LRRFIP1: variants seen among roughly 807,000 people sequenced by gnomAD.
The protein encoded by LRRFIP1 is LRR binding FLII interacting protein 1.
A neutral mutation model predicts 104.4 loss-of-function variants in LRRFIP1; 62 were observed. The observed-to-expected ratio is 0.59, with a 90% confidence interval of 0.48 to 0.73. LRRFIP1 has a LOEUF of 0.73. Among genes scored for constraint, LRRFIP1 ranks in the 30% least tolerant of loss-of-function variants. The probability of loss-of-function intolerance (pLI) is 0.00; values close to 1 mark genes in which losing one functional copy is unlikely to be tolerated. For missense variants in LRRFIP1, 796 were observed against 824.5 expected (o/e 0.97, Z 0.42); for synonymous variants, 300 against 299.0 (o/e 1.00, Z -0.03).
chr2:237,644,839 G>A (rs2149344984), intron 1 of LRRFIP1, among the ~76,000 whole-genome samples: 1 of 152,350 alleles, frequency 6.6e-6, no homozygotes, highest in Non-Finnish European at 1.5e-5. Context: ...TAGGTATCTT[G>A]TAGAATTTGG....
At chr2:237,731,347 C>T in intron 8 of LRRFIP1, among the ~76,000 whole-genome samples, 1 of 152,100 alleles carries the variant, frequency 6.6e-6, no homozygotes, top group East Asian at 1.9e-4. Flanking sequence ...CTCACCTCTT[C>T]ACCCCTTGTC....
intron 1 of LRRFIP1, among the ~76,000 whole-genome samples, chr2:237,646,430 C>G (rs968435070): frequency 2.6e-5 from 4 of 151,880 alleles, no homozygotes; most frequent in African/African-American, 9.6e-5. Context: ...CTCCGACAAG[C>G]CCCACTGTGT....
chr2:237,643,647 C>T (rs1559456526), intron 1 of LRRFIP1, among the ~76,000 whole-genome samples: 1 of 152,204 alleles, frequency 6.6e-6, no homozygotes, highest in Non-Finnish European at 1.5e-5. Flanking sequence ...GGCCCCCAGC[C>T]CGGTGGGTCT....
intron 23 of LRRFIP1, among the ~76,000 whole-genome samples, chr2:237,775,471 G>A (rs1396331797): frequency 6.6e-6 from 1 of 152,214 alleles, no homozygotes; most frequent in East Asian, 1.9e-4. Flanking sequence ...GGATCCTCCT[G>A]TGCATAAAGT....
intron 1 of LRRFIP1, among the ~76,000 whole-genome samples, chr2:237,633,906 C>T (rs1050750013): frequency 1.3e-5 from 2 of 152,214 alleles, no homozygotes; most frequent in South Asian, 2.1e-4. Flanking sequence ...CCCCCACTGA[C>T]CTGTGAACCA....
At chr2:237,728,059 TGTC>T (rs2094837114) in intron 8 of LRRFIP1, 124 bp downstream of exon 8, 44 of 619,906 alleles carry the variant, frequency 7.1e-5, no homozygotes, top group South Asian at 1.7e-4. Flanking sequence ...AAAATCGGTC[TGTC>T]TTTTTTTTCC....
chr2:237,735,618 C>G lies in LRRFIP1; in HGVS notation c.555+285C>G. On this transcript the variant is annotated intron_variant, in intron 10 of 23. Coordinates refer to ENST00000308482, the MANE Select transcript of LRRFIP1 (RefSeq NM_001137550.2). The surrounding 1 kb of genome is among the most constrained non-coding windows in gnomAD (Gnocchi z 4.6). ...CCAACCATACTAACAGGTGGTGAAACCGTCTTCGGTTAATAAAAACGGGAA... is the reference window on the plus strand; with the variant it reads ...CCAACCATACTAACAGGTGGTGAAAGCGTCTTCGGTTAATAAAAACGGGAA... 2 of 362,806 alleles carry G rather than the reference C, an allele frequency of 5.5e-6. No homozygotes were observed. Among genetic ancestry groups the G allele is most frequent in the Non-Finnish European group, 1.0e-5 (2 of 200,168 alleles). 22.5% of individuals were successfully genotyped at this position (362,806 alleles called of 1,614,324 possible). A position where few individuals can be genotyped will look rare whatever the true frequency, so the allele number is the denominator to read the frequency against.
chr2:237,654,007 G>A (rs567979048), intron 1 of LRRFIP1, among the ~76,000 whole-genome samples: 1 of 152,142 alleles, frequency 6.6e-6, no homozygotes, highest in African/African-American at 2.4e-5. Context: ...CAGACAAACG[G>A]GATTGCACTA....
chr2:237,734,123 G>C (rs771469596), intron 9 of LRRFIP1, among the ~76,000 whole-genome samples: 2 of 152,116 alleles, frequency 1.3e-5, no homozygotes, highest in Non-Finnish European at 2.9e-5. Context: ...CAGAAAGAAT[G>C]GTGGCTTTTT....
chr2:237,662,994 G>A (rs2088339421), intron 1 of LRRFIP1, among the ~76,000 whole-genome samples: 1 of 152,174 alleles, frequency 6.6e-6, no homozygotes, highest in African/African-American at 2.4e-5. Context: ...AAACAGGACT[G>A]CAAAACTGCC....
chr2:237,675,164 A>G (rs2090965801), intron 1 of LRRFIP1, among the ~76,000 whole-genome samples: 1 of 152,124 alleles, frequency 6.6e-6, no homozygotes, highest in Non-Finnish European at 1.5e-5. Context: ...CCCCACTCCA[A>G]GCCTTCTGGG....
chr2:237,759,249 A>G (rs925951158), intron 18 of LRRFIP1, among the ~76,000 whole-genome samples: 5 of 152,062 alleles, frequency 3.3e-5, no homozygotes, highest in Non-Finnish European at 7.3e-5. Flanking sequence ...GACCTACTAG[A>G]TTACAGGTGG....
chr2:237,728,036 G>C (rs2094835108), intron 8 of LRRFIP1, 101 bp downstream of exon 8: 1 of 854,100 alleles, frequency 1.2e-6, no homozygotes, highest in Admixed American at 2.6e-5. Context: ...CTTCTTTGCT[G>C]TTTTTAAATT....
intron 8 of LRRFIP1, 60 bp from the exon 9 acceptor site, chr2:237,733,714 T>C: frequency 6.6e-7 from 1 of 1,517,860 alleles, no homozygotes; most frequent in Non-Finnish European, 9.2e-7. Context: ...GGCCTTTTGC[T>C]GTCATTTGTT....
intron 2 of LRRFIP1, among the ~76,000 whole-genome samples, chr2:237,713,053 T>C (rs1231736164): frequency 6.6e-6 from 1 of 151,716 alleles, no homozygotes; most frequent in Non-Finnish European, 1.5e-5. Flanking sequence ...CTGAGCAGGC[T>C]CAGGGTTTTC....
chr2:237,656,096 A>C (rs956262405), intron 1 of LRRFIP1, among the ~76,000 whole-genome samples: 2 of 152,214 alleles, frequency 1.3e-5, no homozygotes, highest in Non-Finnish European at 2.9e-5. Flanking sequence ...GTGTCTCCTG[A>C]TAGGAATTAC....
chr2:237,637,823 T>C (rs1450114273), intron 1 of LRRFIP1, among the ~76,000 whole-genome samples: 2 of 152,336 alleles, frequency 1.3e-5, no homozygotes, highest in African/African-American at 4.8e-5. Context: ...GGTTTATCAA[T>C]TTTGCCCTCA....
intron 14 of LRRFIP1, among the ~76,000 whole-genome samples, chr2:237,751,937 G>T (rs3820807): frequency 6.6e-6 from 1 of 152,076 alleles, no homozygotes; most frequent in Admixed American, 6.5e-5. Context: ...AGTGGGTGGC[G>T]TATCTGTTAC....
intron 11 of LRRFIP1, among the ~76,000 whole-genome samples, chr2:237,743,404 C>G (rs2057384437): frequency 6.6e-6 from 1 of 152,152 alleles, no homozygotes; most frequent in African/African-American, 2.4e-5. Flanking sequence ...AGACCACCAC[C>G]AGGGACAAGA....
Sources: allele counts gnomAD v4.1 joint callset (sites outside exome capture counted in the v4.1 genomes callset), GRCh38; gene constraint gnomAD v4.1.1; non-coding constraint Gnocchi (gnomAD v3.1); transcripts MANE v1.5; gene names NCBI Gene and HGNC (gene_info 2026-07-23, HGNC 2026-07-21).